CDK8: variants seen among roughly 807,000 people sequenced by gnomAD.
CDK8 encodes the protein cyclin-dependent kinase 8.
A neutral mutation model predicts 71.5 loss-of-function variants in CDK8; 29 were observed. That is an observed-to-expected ratio of 0.41 (90% CI 0.30 to 0.55). CDK8 has a LOEUF of 0.55. Ranked by LOEUF, CDK8 falls within the 20% of genes least tolerant of loss-of-function variation. CDK8 has a pLI of 0.37. For missense variants in CDK8, 288 were observed against 572.6 expected, an observed-to-expected ratio of 0.50 and a Z score of 5.07; for synonymous variants, 161 against 192.1, an observed-to-expected ratio of 0.84 and a Z score of 1.34.
At chr13:26,324,612 C>T (rs954457087) in intron 1 of CDK8, among the ~76,000 whole-genome samples, 1 of 150,912 alleles carries the variant, frequency 6.6e-6, no homozygotes, top group Non-Finnish European at 1.5e-5. Context: ...GAAATACTAA[C>T]CATTTGAGTG....
At chr13:26,266,117 C>T (rs966009664) in intron 1 of CDK8, among the ~76,000 whole-genome samples, 2 of 151,328 alleles carry the variant, frequency 1.3e-5, no homozygotes, top group Non-Finnish European at 1.5e-5. Flanking sequence ...TATTGCCATT[C>T]ACATAGCCAA....
chr13:26,266,733 G>C (rs1478234728), intron 1 of CDK8, among the ~76,000 whole-genome samples: 1 of 152,310 alleles, frequency 6.6e-6, no homozygotes, highest in East Asian at 1.9e-4. Flanking sequence ...GCCTTATTCA[G>C]AGCAAAGCAA....
intron 1 of CDK8, among the ~76,000 whole-genome samples, chr13:26,323,027 G>A (rs531070054): frequency 2.3e-4 from 35 of 152,046 alleles, no homozygotes; most frequent in Non-Finnish European, 4.7e-4. Flanking sequence ...TGGGCAATAG[G>A]TACATAGAAT....
chr13:26,296,697 G>T (rs1044181607), intron 1 of CDK8, among the ~76,000 whole-genome samples: 4 of 152,158 alleles, frequency 2.6e-5, no homozygotes, highest in African/African-American at 9.7e-5. Context: ...TTGTCAAAGA[G>T]CATTTATAAC....
Position 26,404,237 on chromosome 13 carries a change from G to C in CDK8, c.*156G>C. 1.3e-6 allele frequency: 1 copy of C among 792,316 alleles called. No homozygotes were observed. The highest frequency in any genetic ancestry group is 1.9e-6 in the Non-Finnish European group (1 of 519,766). 49.1% of individuals were successfully genotyped at this position (792,316 alleles called of 1,614,324 possible). On this transcript the variant is annotated 3_prime_UTR_variant, in exon 13 of 13. Transcript: ENST00000381527. Reference sequence around the variant, plus strand: ...GTTCCACCACTTTTCACAGATTGGGGTAGTGGCTTCCAAGTTGTACCTATT... The same window carrying C: ...GTTCCACCACTTTTCACAGATTGGGCTAGTGGCTTCCAAGTTGTACCTATT...
intron 1 of CDK8, among the ~76,000 whole-genome samples, chr13:26,266,931 G>A (rs1443463313): frequency 1.3e-5 from 2 of 152,052 alleles, no homozygotes; most frequent in Admixed American, 1.3e-4. Context: ...AATTCAAGTA[G>A]TCCAGAAATG....
rs34124632 is a variant in CDK8 at position 26,396,897 on chromosome 13, GA to G, written c.861-247del. On this transcript the variant is annotated intron_variant, in intron 8 of 12. Transcript: ENST00000381527. ...ATAATTGTTAAAATATAATTCATGT[GA>G]AAAAAAAAGCTGTTTAGTGTCTGTT... is the stretch of plus-strand genomic sequence containing the variant. 1.7e-4 allele frequency among the ~76,000 whole-genome samples: 26 copies of G among 150,284 alleles called. 1 individual carries two copies. The highest frequency in any genetic ancestry group is 1.7e-3 in the Admixed American group (25 of 15,092).
At chr13:26,333,640 T>G (rs1339423325) in intron 1 of CDK8, among the ~76,000 whole-genome samples, 3 of 152,194 alleles carry the variant, frequency 2.0e-5, no homozygotes, top group Non-Finnish European at 4.4e-5. Flanking sequence ...ATTATTTAAA[T>G]ATTATATAAA....
intron 1 of CDK8, among the ~76,000 whole-genome samples, chr13:26,330,652 A>G (rs1247217889): frequency 6.6e-6 from 1 of 150,858 alleles, no homozygotes; most frequent in Non-Finnish European, 1.5e-5. Context: ...TTTAGCTCCC[A>G]CAGGTTAAGT....
chr13:26,276,468 A>T (rs1309247466), intron 1 of CDK8, among the ~76,000 whole-genome samples: 1 of 152,228 alleles, frequency 6.6e-6, no homozygotes, highest in Admixed American at 6.5e-5. Flanking sequence ...AAATGAATTC[A>T]TCCCACAGAG....
At chr13:26,395,325 C>A (rs1284268282) in intron 7 of CDK8, among the ~76,000 whole-genome samples, 1 of 151,600 alleles carries the variant, frequency 6.6e-6, no homozygotes, top group African/African-American at 2.4e-5. Flanking sequence ...TGGCTACATG[C>A]CTGTAATGTA....
intron 5 of CDK8, among the ~76,000 whole-genome samples, chr13:26,383,202 T>C: frequency 6.6e-6 from 1 of 152,186 alleles, no homozygotes; most frequent in Non-Finnish European, 1.5e-5. Context: ...ACATACAGCA[T>C]GCTAATAATT....
chr13:26,304,748 T>C (rs1873967127), intron 1 of CDK8, among the ~76,000 whole-genome samples: 1 of 152,082 alleles, frequency 6.6e-6, no homozygotes, highest in African/African-American at 2.4e-5. Flanking sequence ...GGGGTTCTCC[T>C]GCCTCAGCCT....
chr13:26,364,317 C>G (rs1347342800), intron 4 of CDK8, among the ~76,000 whole-genome samples: 1 of 151,950 alleles, frequency 6.6e-6, no homozygotes, highest in Non-Finnish European at 1.5e-5. Context: ...TTTCATGAAA[C>G]TTTTGATTCA....
Position 26,340,626 on chromosome 13 carries a change from C to T in CDK8, c.204+2984C>T, listed in dbSNP as rs546722228. ...TCCTTTACATTTCTTAATTCTTCCT[C>T]GAAGAAGTTGTGCGTCCCCAGCATT... On this transcript the variant is annotated intron_variant, in intron 2 of 12. Transcript: ENST00000381527. Among the ~76,000 whole-genome samples, 13 of 152,218 alleles carry T rather than the reference C, an allele frequency of 8.5e-5. No homozygotes were observed. The South Asian group carries it at 2.1e-3, about 24-fold the overall frequency.
intron 6 of CDK8, among the ~76,000 whole-genome samples, chr13:26,392,834 T>C (rs1211700717): frequency 1.3e-5 from 2 of 152,216 alleles, no homozygotes; most frequent in Non-Finnish European, 2.9e-5. Flanking sequence ...TGATTAGTGC[T>C]AACATGAGAG....
At chr13:26,262,475 G>A (rs759302698) in intron 1 of CDK8, among the ~76,000 whole-genome samples, 1 of 152,124 alleles carries the variant, frequency 6.6e-6, no homozygotes, top group Non-Finnish European at 1.5e-5. Flanking sequence ...CATATTACGG[G>A]AAGAGTAGAA....
At chr13:26,366,482 A>G (rs1030749356) in intron 4 of CDK8, among the ~76,000 whole-genome samples, 1 of 152,186 alleles carries the variant, frequency 6.6e-6, no homozygotes, top group African/African-American at 2.4e-5. Flanking sequence ...TTCGTTTATT[A>G]AAGTCTCCTA....
At chr13:26,379,663 G>A (rs1875122909) in intron 4 of CDK8, among the ~76,000 whole-genome samples, 2 of 152,172 alleles carry the variant, frequency 1.3e-5, no homozygotes, top group Non-Finnish European at 2.9e-5. Flanking sequence ...ATCTCAGATA[G>A]ACAGAGGAGA....
Sources: allele counts gnomAD v4.1 joint callset (sites outside exome capture counted in the v4.1 genomes callset), GRCh38; gene constraint gnomAD v4.1.1; transcripts MANE v1.5; gene names NCBI Gene and HGNC (gene_info 2026-07-23, HGNC 2026-07-21).